Variants in HYKK observed in about 807,000 individuals in gnomAD.
HYKK encodes the protein 5-hydroxy-L-lysine kinase.
HYKK carries 19 observed loss-of-function variants against 29.7 expected under a neutral mutation model. That is an observed-to-expected ratio of 0.64 (90% CI 0.45 to 0.94). The LOEUF (loss-of-function observed/expected upper bound fraction) is 0.94. HYKK is among the 40% of genes least tolerant of loss of function. The pLI, the probability that HYKK is intolerant of heterozygous loss-of-function variation, is 0.00. For synonymous variants in HYKK, 152 were observed against 158.1 expected, an observed-to-expected ratio of 0.96 and a Z score of 0.29; for missense variants, 390 against 443.4, an observed-to-expected ratio of 0.88 and a Z score of 1.08.
intron 1 of HYKK, among the ~76,000 whole-genome samples, chr15:78,509,769 T>C (rs2052052810): frequency 6.6e-6 from 1 of 152,236 alleles, no homozygotes; most frequent in African/African-American, 2.4e-5. Flanking sequence ...CCCAGAAGTT[T>C]CAAGTGCAAA....
intron 1 of HYKK, among the ~76,000 whole-genome samples, chr15:78,509,117 AT>A (rs949213970): frequency 1.6e-4 from 24 of 151,866 alleles, no homozygotes; most frequent in African/African-American, 3.4e-4. Context: ...TGATAAACAT[AT>A]TTTTTTCTTT....
chr15:78,527,286 A>AC (rs1491340232), intron 3 of HYKK, 94 bp from the exon 4 acceptor site: 1 of 43,744 alleles, frequency 2.3e-5, no homozygotes, highest in African/African-American at 1.7e-4. Context: ...ACTCTGTCTC[A>AC]AAAAAAAAAA....
chr15:78,533,470 C>T lies in HYKK; in HGVS notation c.922C>T (p.Leu308Phe), dbSNP rs756955264. 4 of 1,614,204 alleles carry T rather than the reference C, an allele frequency of 2.5e-6. No homozygotes were observed. In the South Asian group the frequency reaches 3.3e-5, roughly 13 times the overall value. ...TAVEKGALFL[L>F]VCSRFCQSLV... is the part of the protein sequence containing the mutation. ...TGTAGAGAAGGGTGCTTTGTTTTTACTTGTATGCAGTCGTTTTTGTCAGTC... is the reference window on the plus strand; with the variant it reads ...TGTAGAGAAGGGTGCTTTGTTTTTATTTGTATGCAGTCGTTTTTGTCAGTC... The change falls in exon 5 of 5, where the codon CTT becomes TTT. Residue 308 changes from leucine to phenylalanine, a missense_variant. By Grantham distance (22) the Leu-to-Phe change is conservative (BLOSUM62 0). Transcript: ENST00000388988.
chr15:78,525,690 G>C (rs112814298), intron 3 of HYKK, among the ~76,000 whole-genome samples: 1,818 of 151,604 alleles, frequency 0.012, 52 homozygotes, highest in African/African-American at 0.041. Context: ...GTAGAGACAG[G>C]GTTTCACCAT....
rs2052333161 is a variant in HYKK at position 78,533,546 on chromosome 15, A to G, written c.998A>G (p.Tyr333Cys). ...SCQLYPENKDYLMVTAKTGWK... is the reference protein window; with the variant it reads ...SCQLYPENKDCLMVTAKTGWK... ...CAGCTATACCCAGAGAACAAAGACT[A>G]TCTCATGGTTACTGCAAAAACCGGG... Residue 333 changes from tyrosine (Y) to cysteine (C), a missense_variant, in exon 5 of 5, where the codon TAT becomes TGT. Physicochemically the swap from Tyr to Cys is radical, Grantham distance 194. Transcript: ENST00000388988. 3.1e-6 allele frequency: 5 copies of G among 1,614,098 alleles called. No homozygotes were observed. Among genetic ancestry groups the G allele is most frequent in the Non-Finnish European group, 8.5e-7 (1 of 1,180,026 alleles).
At chr15:78,524,390 C>G (rs982888765) in intron 3 of HYKK, among the ~76,000 whole-genome samples, 1 of 152,190 alleles carries the variant, frequency 6.6e-6, no homozygotes, top group Non-Finnish European at 1.5e-5. Flanking sequence ...ACAACTGGGA[C>G]GTGGGGAGCA....
At position 78,533,744 on chromosome 15, in the gene HYKK, G is replaced by A. The variant is rs920839991; in HGVS notation, c.*74G>A. ...ATAGGACCCAGTCAAATTTTAGGAA[G>A]GATTTTCCTGCATAGTTAAAAATCA... On this transcript the variant is annotated 3_prime_UTR_variant, in exon 5 of 5. Transcript: ENST00000388988. 6 of 1,033,602 alleles carry A rather than the reference G, an allele frequency of 5.8e-6. No individual in the cohort carries two copies. In the Admixed American group the frequency reaches 1.3e-4, roughly 22 times the overall value. 64.0% of individuals were successfully genotyped at this position (1,033,602 alleles called of 1,614,324 possible). A position where few individuals can be genotyped will look rare whatever the true frequency, so the allele number is the denominator to read the frequency against.
chr15:78,530,752 AG>A (rs2052303993), intron 4 of HYKK, among the ~76,000 whole-genome samples: 1 of 152,126 alleles, frequency 6.6e-6, no homozygotes. Context: ...TATGTTGCCC[AG>A]GCTGGTCTTG....
downstream of HYKK, chr15:78,537,237 C>T (rs1205265229): frequency 3.8e-6 from 2 of 525,636 alleles, no homozygotes; most frequent in Non-Finnish European, 7.1e-6. Flanking sequence ...CCCATTGATT[C>T]GGTTTCTCTG....
intron 3 of HYKK, among the ~76,000 whole-genome samples, chr15:78,517,004 G>A (rs1351165093): frequency 6.6e-6 from 1 of 151,314 alleles, no homozygotes; most frequent in African/African-American, 2.4e-5. Flanking sequence ...GGGTGACAGA[G>A]CAAGACCTTG....
chr15:78,528,801 CA>C (rs375962788), intron 4 of HYKK: 39,647 of 793,452 alleles, frequency 0.05, 4 homozygotes, highest in South Asian at 0.056. Flanking sequence ...AATCCGTCTC[CA>C]AAAAAAAAAA....
intron 2 of HYKK, among the ~76,000 whole-genome samples, chr15:78,514,454 T>C (rs976615872): frequency 1.3e-5 from 2 of 152,222 alleles, no homozygotes; most frequent in Non-Finnish European, 2.9e-5. Flanking sequence ...CACCATTCTT[T>C]CTTAATTTGC....
intron 3 of HYKK, among the ~76,000 whole-genome samples, chr15:78,519,671 G>A (rs543140808): frequency 2.0e-5 from 3 of 152,278 alleles, no homozygotes; most frequent in South Asian, 4.1e-4. Context: ...GAGGCAAAGA[G>A]AATCACTTGA....
At chr15:78,537,334 G>A, downstream of HYKK, 1 of 655,924 alleles carries the variant, frequency 1.5e-6, no homozygotes, top group Non-Finnish European at 2.8e-6. Context: ...AGAAGACCCA[G>A]TAAAGATCTG....
intron 3 of HYKK, among the ~76,000 whole-genome samples, chr15:78,520,838 C>T (rs1171407457): frequency 1.3e-5 from 2 of 151,596 alleles, no homozygotes; most frequent in Non-Finnish European, 3.0e-5. Context: ...CCCCTCACCT[C>T]CCGGACGGGG....
rs1180544565 is a variant in HYKK, at chr15:78,518,714, T to TA, written c.477+3608dup. ...AGGTGGATCACCTGAAGTCAGGAGTTAGAGACCAGCTGGCCAACATGGTGA... is the reference window on the plus strand; with the variant it reads ...AGGTGGATCACCTGAAGTCAGGAGTTAAGAGACCAGCTGGCCAACATGGTGA... On this transcript the variant is annotated intron_variant, in intron 3 of 4. Coordinates refer to ENST00000388988, the MANE Select transcript of HYKK (RefSeq NM_001013619.4). 6 of 380,416 alleles carry TA rather than the reference T, an allele frequency of 1.6e-5. No individual in the cohort carries two copies. The East Asian group carries it at 4.7e-4, about 30-fold the overall frequency. 23.6% of individuals were successfully genotyped at this position (380,416 alleles called of 1,614,324 possible). A position where few individuals can be genotyped will look rare whatever the true frequency, so the allele number is the denominator to read the frequency against.
In HYKK at chr15:78,533,366, T is replaced by C. The variant is rs1264295562; in HGVS notation, c.818T>C (p.Met273Thr). 2.5e-6 allele frequency: 4 copies of C among 1,614,096 alleles called. No individual in the cohort carries two copies. The highest frequency in any genetic ancestry group is 3.4e-6 in the Non-Finnish European group (4 of 1,180,046). Residue 273 changes from methionine (M) to threonine (T), a missense_variant, in exon 5 of 5, where the codon ATG becomes ACG. Met to Thr is a moderately conservative substitution (Grantham distance 81). Coordinates refer to ENST00000388988, the MANE Select transcript of HYKK (RefSeq NM_001013619.4). ...VFEVAITIMY[M>T]MIESKSPIQV... is the part of the protein sequence containing the mutation. ...GAAGTGGCAATTACCATCATGTACATGATGATTGAGAGCAAGAGTCCTATA... is the reference window on the plus strand; with the variant it reads ...GAAGTGGCAATTACCATCATGTACACGATGATTGAGAGCAAGAGTCCTATA...
At chr15:78,517,309 TCA>T (rs2052146169) in intron 3 of HYKK, among the ~76,000 whole-genome samples, 1 of 151,970 alleles carries the variant, frequency 6.6e-6, no homozygotes, top group Non-Finnish European at 1.5e-5. Flanking sequence ...GCAAGGTGGC[TCA>T]CACCTGTAAT....
intron 3 of HYKK, among the ~76,000 whole-genome samples, chr15:78,525,728 A>AGG (rs1378618039): frequency 1.0e-4 from 15 of 150,186 alleles, no homozygotes; most frequent in African/African-American, 3.7e-4. Context: ...CGAACTCCTG[A>AGG]CCTCAAATGA....
Sources: gnomAD v4.1 joint callset for allele counts (sites outside exome capture counted in the v4.1 genomes callset) on GRCh38, gnomAD v4.1.1 for gene constraint, MANE v1.5 for transcripts, NCBI Gene and HGNC (gene_info 2026-07-23, HGNC 2026-07-21) for gene names.